Variants in GRID2 observed in about 807,000 individuals in gnomAD.
GRID2 encodes the protein glutamate receptor ionotropic, delta-2.
GRID2 carries 33 observed loss-of-function variants against 114.8 expected under a neutral mutation model. The ratio of observed to expected loss-of-function variants is 0.29; its 90% CI spans 0.22 to 0.38. The LOEUF (loss-of-function observed/expected upper bound fraction) is 0.38, where lower values mean the gene tolerates loss of function less well. GRID2 is among the 10% of genes least tolerant of loss of function. The pLI, the probability that GRID2 is intolerant of heterozygous loss-of-function variation, is 1.00. For missense variants in GRID2, 1,184 were observed against 1,257.7 expected, an observed-to-expected ratio of 0.94 and a Z score of 0.89; for synonymous variants, 505 against 449.9, an observed-to-expected ratio of 1.12 and a Z score of -1.55.
intron 4 of GRID2, among the ~76,000 whole-genome samples, chr4:93,151,837 C>G (rs1736767032): frequency 2.0e-5 from 3 of 152,004 alleles, no homozygotes; most frequent in Admixed American, 6.6e-5. Flanking sequence ...ATTAAATGAA[C>G]TTGTTTTGTG....
At chr4:93,371,583 A>G (rs1259591023) in intron 8 of GRID2, among the ~76,000 whole-genome samples, 1 of 152,098 alleles carries the variant, frequency 6.6e-6, no homozygotes, top group Non-Finnish European at 1.5e-5. Context: ...GAAGATGAAC[A>G]TGTCTGATCT....
chr4:93,464,549 T>C (rs1267898851), intron 11 of GRID2, among the ~76,000 whole-genome samples: 1 of 152,192 alleles, frequency 6.6e-6, no homozygotes, highest in African/African-American at 2.4e-5. Context: ...CCCTTGAAAG[T>C]GGTACAAGCT....
intron 14 of GRID2, among the ~76,000 whole-genome samples, chr4:93,725,527 T>A (rs1286634046): frequency 1.3e-5 from 2 of 151,908 alleles, no homozygotes; most frequent in African/African-American, 2.4e-5. Flanking sequence ...TCAAATGGTA[T>A]TTCTAGTTCT....
downstream of GRID2, among the ~76,000 whole-genome samples, chr4:93,810,411 T>A (rs575798943): frequency 6.6e-6 from 1 of 152,322 alleles, no homozygotes; most frequent in African/African-American, 2.4e-5. Flanking sequence ...GAACTCCAAG[T>A]CCTTCTTTGG....
intron 2 of GRID2, among the ~76,000 whole-genome samples, chr4:92,871,776 C>A (rs574516423): frequency 6.6e-6 from 1 of 152,234 alleles, no homozygotes; most frequent in East Asian, 1.9e-4. Flanking sequence ...GTACAAAAGT[C>A]TTCTTGGCTC....
At chr4:93,779,359 A>C (rs1734434799), downstream of GRID2, among the ~76,000 whole-genome samples, 1 of 152,152 alleles carries the variant, frequency 6.6e-6, no homozygotes, top group African/African-American at 2.4e-5. Context: ...CCTAGGGCAG[A>C]GTTCTCCTAA....
chr4:92,822,356 G>A, intron 2 of GRID2: 2 of 625,942 alleles, frequency 3.2e-6, no homozygotes, highest in East Asian at 4.2e-5. Flanking sequence ...CAGATGGACT[G>A]TGTGGCCAAA....
rs186713097 is a variant in GRID2 at position 93,555,874 on chromosome 4, C to T, written c.2193+40463C>T. On this transcript the variant is annotated intron_variant, in intron 13 of 15. Coordinates refer to ENST00000282020, the MANE Select transcript of GRID2 (RefSeq NM_001510.4). The stretch of plus-strand genomic sequence containing the variant: ...TAGGAGCACTCCACCTGGCATCTGG[C>T]AGGTGTCCCTCTGGGACAAAGCTTC... Among the ~76,000 whole-genome samples the T allele has an allele frequency of 1.6e-4, 24 of 152,244 alleles. No homozygotes were observed. In the East Asian group the frequency reaches 3.9e-3, roughly 25 times the overall value.
At chr4:92,932,174 GA>G (rs1750289730) in intron 2 of GRID2, among the ~76,000 whole-genome samples, 1 of 151,062 alleles carries the variant, frequency 6.6e-6, no homozygotes, top group Non-Finnish European at 1.5e-5. Flanking sequence ...AACTGTCAAA[GA>G]ATTTTTATCC....
At chr4:93,009,996 G>T (rs1050604120) in intron 2 of GRID2, among the ~76,000 whole-genome samples, 19 of 151,896 alleles carry the variant, frequency 1.3e-4, no homozygotes, top group African/African-American at 4.6e-4. Context: ...TGATAATACT[G>T]CTAAGATATT....
chr4:93,227,897 G>T (rs993761306), intron 7 of GRID2, among the ~76,000 whole-genome samples: 1 of 152,126 alleles, frequency 6.6e-6, no homozygotes, highest in Non-Finnish European at 1.5e-5. Flanking sequence ...ATTTTTATGA[G>T]TATTCTGGTC....
At chr4:92,603,933 A>T (rs900135886) in intron 2 of GRID2, among the ~76,000 whole-genome samples, 1 of 152,174 alleles carries the variant, frequency 6.6e-6, no homozygotes, top group African/African-American at 2.4e-5. Flanking sequence ...AAAAACATGA[A>T]AAAAAGCTCA....
At chr4:92,400,958 A>G (rs960553534) in intron 1 of GRID2, among the ~76,000 whole-genome samples, 1 of 152,154 alleles carries the variant, frequency 6.6e-6, no homozygotes, top group South Asian at 2.1e-4. Context: ...TATCGTTAAC[A>G]TGTAAGAGTT....
chr4:92,925,265 T>G (rs1226303297), intron 2 of GRID2, among the ~76,000 whole-genome samples: 2 of 152,074 alleles, frequency 1.3e-5, no homozygotes, highest in Non-Finnish European at 2.9e-5. Flanking sequence ...AAAAAGTAAG[T>G]TGTAATGCTG....
At chr4:92,918,126 G>C (rs1266191474) in intron 2 of GRID2, among the ~76,000 whole-genome samples, 2 of 152,092 alleles carry the variant, frequency 1.3e-5, no homozygotes, top group Admixed American at 1.3e-4. Flanking sequence ...GTGAGTGGGA[G>C]TTCACTCATG....
chr4:92,426,596 C>T (rs948585453), intron 1 of GRID2, among the ~76,000 whole-genome samples: 6 of 152,058 alleles, frequency 3.9e-5, no homozygotes, highest in Admixed American at 2.6e-4. Context: ...TCTGTAGATA[C>T]TCAAGTATAT....
At chr4:93,019,145 C>T (rs991625300) in intron 2 of GRID2, among the ~76,000 whole-genome samples, 1 of 152,022 alleles carries the variant, frequency 6.6e-6, no homozygotes, top group African/African-American at 2.4e-5. Flanking sequence ...TATATATTCT[C>T]TAGGATCTAA....
chr4:93,329,696 A>G (rs1055406467), intron 8 of GRID2, among the ~76,000 whole-genome samples: 2 of 152,176 alleles, frequency 1.3e-5, no homozygotes, highest in Non-Finnish European at 1.5e-5. Context: ...TTAAATCTCA[A>G]GAGGATACCA....
intron 1 of GRID2, among the ~76,000 whole-genome samples, chr4:92,414,490 A>C (rs1459231695): frequency 6.6e-6 from 1 of 152,170 alleles, no homozygotes; most frequent in Non-Finnish European, 1.5e-5. Flanking sequence ...CATTTTTCAG[A>C]TGATAGTCAA....
Sources: allele counts gnomAD v4.1 joint callset (sites outside exome capture counted in the v4.1 genomes callset), GRCh38; gene constraint gnomAD v4.1.1; transcripts MANE v1.5; gene names NCBI Gene and HGNC (gene_info 2026-07-23, HGNC 2026-07-21).